The following TBC1D30 variants were observed in gnomAD, a reference collection of about 807,000 sequenced individuals.
TBC1D30 encodes the protein TBC1 domain family member 30.
TBC1D30 carries 31 observed loss-of-function variants against 63.2 expected under a neutral mutation model. The ratio of observed to expected loss-of-function variants is 0.49; its 90% CI spans 0.37 to 0.66. The LOEUF is 0.66. TBC1D30 is among the 30% of genes least tolerant of loss of function. The pLI, the probability that TBC1D30 is intolerant of heterozygous loss-of-function variation, is 0.00. For missense variants in TBC1D30, 810 were observed against 953.6 expected, an observed-to-expected ratio of 0.85 and a Z score of 1.98; for synonymous variants, 307 against 361.5, an observed-to-expected ratio of 0.85 and a Z score of 1.71.
At chr12:64,789,263 CA>C (rs1871785269) in intron 2 of TBC1D30, among the ~76,000 whole-genome samples, 2 of 148,842 alleles carry the variant, frequency 1.3e-5, no homozygotes, top group Non-Finnish European at 3.0e-5. Context: ...TGGCTCATTG[CA>C]ATCTCTGCTT....
chr12:64,760,885 G>A (rs954422942), intron 1 of TBC1D30, among the ~76,000 whole-genome samples: 4 of 151,284 alleles, frequency 2.6e-5, no homozygotes, highest in African/African-American at 9.7e-5. Flanking sequence ...GGGGTAATGC[G>A]CGGAGTCCTA....
At chr12:64,791,930 A>G (rs569817029) in intron 2 of TBC1D30, among the ~76,000 whole-genome samples, 51 of 152,242 alleles carry the variant, frequency 3.3e-4, no homozygotes, top group Middle Eastern at 3.4e-3. Context: ...AAATAACTAC[A>G]GGATTATTTG....
At chr12:64,760,992 T>A (rs1437002537) in intron 1 of TBC1D30, among the ~76,000 whole-genome samples, 3 of 151,716 alleles carry the variant, frequency 2.0e-5, no homozygotes, top group Non-Finnish European at 2.9e-5. Context: ...TTTTTTTTTT[T>A]AAGTAAGCCT....
intron 1 of TBC1D30, among the ~76,000 whole-genome samples, chr12:64,766,684 A>G (rs995013859): frequency 6.6e-6 from 1 of 152,166 alleles, no homozygotes; most frequent in African/African-American, 2.4e-5. Context: ...ATAACATTAT[A>G]AAATAGGTAG....
intron 8 of TBC1D30, among the ~76,000 whole-genome samples, chr12:64,861,626 A>T (rs1307118937): frequency 1.3e-5 from 2 of 151,224 alleles, no homozygotes; most frequent in Non-Finnish European, 3.0e-5. Flanking sequence ...TGTTTGTTTG[A>T]TTTTTTTTTA....
intron 2 of TBC1D30, among the ~76,000 whole-genome samples, chr12:64,814,071 A>G (rs1352103277): frequency 6.6e-6 from 1 of 151,648 alleles, no homozygotes; most frequent in African/African-American, 2.4e-5. Flanking sequence ...TTTTTTTGAG[A>G]TAGGGTCTGG....
chr12:64,760,087 C>T (rs1870443710), intron 1 of TBC1D30, among the ~76,000 whole-genome samples: 1 of 152,194 alleles, frequency 6.6e-6, no homozygotes, highest in African/African-American at 2.4e-5. Context: ...TAATGGTTAT[C>T]CTAATGGTCC....
chr12:64,830,887 A>C (rs1443594278), intron 4 of TBC1D30, among the ~76,000 whole-genome samples: 1 of 152,174 alleles, frequency 6.6e-6, no homozygotes, highest in African/African-American at 2.4e-5. Flanking sequence ...GGTCTTTGAT[A>C]GTTTCTTAAC....
intron 8 of TBC1D30, among the ~76,000 whole-genome samples, chr12:64,854,602 C>T (rs1183728351): frequency 6.6e-6 from 1 of 151,380 alleles, no homozygotes; most frequent in Non-Finnish European, 1.5e-5. Flanking sequence ...TCATGCCATT[C>T]TCCTGCCTCA....
chr12:64,851,113 G>A lies in TBC1D30; in HGVS notation c.1038+7628G>A, dbSNP rs147286452. Among the ~76,000 whole-genome samples the A allele has an allele frequency of 5.1e-4, 78 of 152,266 alleles. No homozygotes were observed. The East Asian group carries it at 0.013, about 24-fold the overall frequency. ...TTTGTGTTTCTGCGGGATCAGTGAT[G>A]ATATTTCCTGTATCATTTTTTATTG... is the stretch of plus-strand genomic sequence containing the variant. On this transcript the variant is annotated intron_variant, in intron 8 of 11. Coordinates refer to ENST00000539867, the MANE Select transcript of TBC1D30 (RefSeq NM_015279.2).
chr12:64,776,292 A>G (rs1469053371), upstream of TBC1D30, among the ~76,000 whole-genome samples: 2 of 152,220 alleles, frequency 1.3e-5, no homozygotes, highest in Non-Finnish European at 2.9e-5. Flanking sequence ...GATAGTCATG[A>G]AAAATCATTC....
In TBC1D30 at chr12:64,875,159, C is replaced by T. The variant is rs1321697379; in HGVS notation, c.1657C>T (p.Pro553Ser). 12 of 1,536,348 alleles carry T rather than the reference C, an allele frequency of 7.8e-6. No individual in the cohort carries two copies. The highest frequency in any genetic ancestry group is 2.4e-5 in the East Asian group (1 of 40,904). Residue 553 changes from proline (P) to serine (S), a missense_variant, in exon 12 of 12, where the codon CCC becomes TCC. Coordinates refer to ENST00000539867, the MANE Select transcript of TBC1D30 (RefSeq NM_015279.2). ...GHTGGKISPV[P>S]YEDLKTKLNS... is the part of the protein sequence containing the mutation. ...CACAGGAGGGAAAATATCTCCTGTC[C>T]CCTACGAAGACCTTAAGACGAAGCT...
chr12:64,808,028 T>A (rs1872987482), intron 2 of TBC1D30, among the ~76,000 whole-genome samples: 2 of 147,930 alleles, frequency 1.4e-5, no homozygotes, highest in Non-Finnish European at 3.0e-5. Flanking sequence ...GTGCTATGAT[T>A]TAACAGCATG....
chr12:64,875,820 C>A lies in TBC1D30; in HGVS notation c.*32C>A. The A allele has an allele frequency of 6.7e-7, 1 of 1,499,780 alleles. No homozygotes were observed. The allele number at this position is 1,499,780 out of a possible 1,614,324, so 92.9% of individuals were successfully genotyped here. A position where few individuals can be genotyped will look rare whatever the true frequency, so the allele number is the denominator to read the frequency against. On this transcript the variant is annotated 3_prime_UTR_variant, in exon 12 of 12. Coordinates refer to ENST00000539867, the MANE Select transcript of TBC1D30 (RefSeq NM_015279.2). ...CCCGAAACTTTGTATCTGGACTCACCTTTTCACAGTAGTATAAGGGTTGCA... is the reference window on the plus strand; with the variant it reads ...CCCGAAACTTTGTATCTGGACTCACATTTTCACAGTAGTATAAGGGTTGCA...
chr12:64,814,551 G>A (rs1873411156), intron 2 of TBC1D30, among the ~76,000 whole-genome samples: 1 of 152,180 alleles, frequency 6.6e-6, no homozygotes, highest in Admixed American at 6.5e-5. Context: ...AGTGAAACTA[G>A]AAGTAATTTT....
At chr12:64,840,368 T>C (rs1875764675) in intron 7 of TBC1D30, among the ~76,000 whole-genome samples, 1 of 152,220 alleles carries the variant, frequency 6.6e-6, no homozygotes, top group Non-Finnish European at 1.5e-5. Context: ...TATAATTGCC[T>C]TTGTGTTGGT....
intron 8 of TBC1D30, among the ~76,000 whole-genome samples, chr12:64,844,163 A>G (rs1021574133): frequency 3.9e-5 from 6 of 152,220 alleles, no homozygotes; most frequent in Admixed American, 2.0e-4. Context: ...GATTATTCTC[A>G]TCAGCATTTT....
In TBC1D30 at chr12:64,795,654, T is replaced by C. The variant is rs565778696; in HGVS notation, c.643+9609T>C. ...CTTTCTAGGATCCTCTGTCAATTTA[T>C]GTTTGTTTGCTTTTCCAGCTTCAAA... is the stretch of plus-strand genomic sequence containing the variant. On this transcript the variant is annotated intron_variant, in intron 2 of 12. Transcript: ENST00000542120. Among the ~76,000 whole-genome samples the C allele has an allele frequency of 2.0e-4, 31 of 152,252 alleles. 1 individual carries two copies. The South Asian group carries it at 6.4e-3, about 32-fold the overall frequency.
chr12:64,847,114 G>A (rs551778875), intron 8 of TBC1D30, among the ~76,000 whole-genome samples: 44 of 150,810 alleles, frequency 2.9e-4, no homozygotes, highest in African/African-American at 9.9e-4. Context: ...TTCAATCTTG[G>A]TAGGTTGTAT....
Sources: allele counts gnomAD v4.1 joint callset (sites outside exome capture counted in the v4.1 genomes callset), GRCh38; gene constraint gnomAD v4.1.1; transcripts MANE v1.5; gene names NCBI Gene and HGNC (gene_info 2026-07-23, HGNC 2026-07-21).